The following NOTCH2 variants were observed in gnomAD, a reference collection of about 807,000 sequenced individuals.
The protein encoded by NOTCH2 is notch receptor 2.
Under a neutral mutation model 235.8 loss-of-function variants are expected in NOTCH2, and 29 were observed. The ratio of observed to expected loss-of-function variants is 0.12; its 90% CI spans 0.09 to 0.17. The LOEUF (loss-of-function observed/expected upper bound fraction) is 0.17, where lower values mean the gene tolerates loss of function less well. NOTCH2 is among the 10% of genes least tolerant of loss of function. The pLI, the probability that NOTCH2 is intolerant of heterozygous loss-of-function variation, is 1.00. For synonymous variants in NOTCH2, 1,086 were observed against 1,141.5 expected, an observed-to-expected ratio of 0.95 and a Z score of 0.98; for missense variants, 2,285 against 3,150.2, an observed-to-expected ratio of 0.73 and a Z score of 6.57.
chr1:120,012,271 G>A (rs587620219), intron 2 of NOTCH2, among the ~76,000 whole-genome samples: 4 of 141,106 alleles, frequency 2.8e-5, no homozygotes, highest in Admixed American at 2.1e-4. Flanking sequence ...CTATTTCAGA[G>A]TAAGTTCTTA....
intron 2 of NOTCH2, among the ~76,000 whole-genome samples, chr1:120,014,490 A>G (rs1156902379): frequency 6.7e-6 from 1 of 148,268 alleles, no homozygotes; most frequent in Non-Finnish European, 1.5e-5. Context: ...GGTTGGATGT[A>G]GAAAAGCAAA....
In NOTCH2 at chr1:119,916,393, C is replaced by T. The variant is rs1265351543; in HGVS notation, c.6329G>A (p.Ser2110Asn). 6.2e-7 allele frequency: 1 copy of T among 1,614,074 alleles called. No homozygotes were observed. Among genetic ancestry groups the T allele is most frequent in the Non-Finnish European group, 8.5e-7 (1 of 1,180,040 alleles). Residue 2110 changes from serine (S) to asparagine (N), a missense_variant, in exon 34 of 34, where the codon AGT (serine) becomes AAT (asparagine). This residue lies in a region of NOTCH2 where 504 missense variants were observed against 538.0 expected (regional missense o/e 0.94). Coordinates refer to ENST00000256646, the MANE Select transcript of NOTCH2 (RefSeq NM_024408.4). ...GTTAGGGAGGCTAGTAGGCATGGTA[C>T]TCTTGGCACTGGGCCGTCTAGACTT... ...GKKSRRPSAK[S>N]TMPTSLPNLA...
Position 119,937,887 on chromosome 1 carries a change from C to G in NOTCH2, c.3307G>C (p.Val1103Leu). Residue 1103 changes from valine (V) to leucine (L), a missense_variant, in exon 20 of 34, where the codon GTC becomes CTC. Physicochemically the swap from Val to Leu is conservative, Grantham distance 32. Coordinates refer to ENST00000256646, the MANE Select transcript of NOTCH2 (RefSeq NM_024408.4). ...CTGGAGGCTGCTATGTCACAAGAGA[C>G]ATTGGGCACGTCACAATAGGCACCA... ...WAGAYCDVPN[V>L]SCDIAASRRG... is the part of the protein sequence containing the mutation. The G allele has an allele frequency of 6.2e-7, 1 of 1,614,224 alleles. No homozygotes were observed. Among genetic ancestry groups the G allele is most frequent in the Non-Finnish European group, 8.5e-7 (1 of 1,180,038 alleles).
intron 5 of NOTCH2, among the ~76,000 whole-genome samples, chr1:119,984,208 A>C (rs1651924650): frequency 6.6e-6 from 1 of 152,206 alleles, no homozygotes; most frequent in Admixed American, 6.5e-5. Context: ...TCTCAGGATA[A>C]TGAAATTTTC....
At chr1:119,930,292 CT>C (rs1245268339) in intron 22 of NOTCH2, among the ~76,000 whole-genome samples, 1 of 151,684 alleles carries the variant, frequency 6.6e-6, no homozygotes, top group East Asian at 1.9e-4. Flanking sequence ...TGCACCAATG[CT>C]TTTTATTTAA....
rs927825758 is a variant in NOTCH2 at position 119,912,048 on chromosome 1, A to C, written c.*3258T>G. Reference sequence around the variant, plus strand: ...GCAGTATTGGAAAATAAAAAATACAACACCACTGAGCTTGGCAAACCTTTT... The same window carrying C: ...GCAGTATTGGAAAATAAAAAATACACCACCACTGAGCTTGGCAAACCTTTT... On this transcript the variant is annotated 3_prime_UTR_variant, in exon 34 of 34. Transcript: ENST00000256646. The C allele has an allele frequency of 2.1e-5, 5 of 233,582 alleles. No homozygotes were observed. Among genetic ancestry groups the C allele is most frequent in the South Asian group, 1.8e-4 (1 of 5,532 alleles). 14.5% of individuals were successfully genotyped at this position (233,582 alleles called of 1,614,324 possible).
rs1484892838 is a variant in NOTCH2 at position 119,913,632 on chromosome 1, T to C, written c.*1674A>G. 1 of 233,076 alleles carries C rather than the reference T, an allele frequency of 4.3e-6. No individual in the cohort carries two copies. The highest frequency in any genetic ancestry group is 2.2e-5 in the African/African-American group (1 of 45,312). The allele number at this position is 233,076 out of a possible 1,614,324, so 14.4% of individuals were successfully genotyped here. On this transcript the variant is annotated 3_prime_UTR_variant, in exon 34 of 34. Transcript: ENST00000256646. ...AAATGCTTCTGCCCTTAAAAGAAAG[T>C]CAAAGAAATTGCCAAGAGCATGAAT...
intron 2 of NOTCH2, among the ~76,000 whole-genome samples, chr1:120,011,758 T>A (rs1690022): frequency 5.3e-5 from 8 of 152,114 alleles, no homozygotes; most frequent in Non-Finnish European, 1.2e-4. Context: ...GGCTCACACC[T>A]GTAATCTCAG....
At chr1:119,928,881 G>T in intron 23 of NOTCH2, 95 bp downstream of exon 23, 1 of 1,027,746 alleles carries the variant, frequency 9.7e-7, no homozygotes, top group Non-Finnish European at 1.5e-6. Flanking sequence ...TATAAGAAAA[G>T]CTTCACTTGG....
At chr1:119,970,603 G>A (rs190286378) in intron 5 of NOTCH2, among the ~76,000 whole-genome samples, 1 of 152,216 alleles carries the variant, frequency 6.6e-6, no homozygotes, top group Non-Finnish European at 1.5e-5. Context: ...CTAGGTTGCA[G>A]GTCACCACTA....
chr1:119,984,009 A>G (rs1206935316), intron 5 of NOTCH2, among the ~76,000 whole-genome samples: 1 of 152,182 alleles, frequency 6.6e-6, no homozygotes, highest in African/African-American at 2.4e-5. Flanking sequence ...AAGCCAGACC[A>G]AATAGTTAAT....
intron 11 of NOTCH2, among the ~76,000 whole-genome samples, chr1:119,960,135 G>C (rs1240521428): frequency 6.6e-6 from 1 of 152,148 alleles, no homozygotes; most frequent in Non-Finnish European, 1.5e-5. Flanking sequence ...GGGTTAATCA[G>C]AATTGAGTAT....
intron 25 of NOTCH2, among the ~76,000 whole-genome samples, chr1:119,924,480 G>A (rs1166083676): frequency 1.3e-5 from 2 of 152,138 alleles, no homozygotes; most frequent in Non-Finnish European, 2.9e-5. Context: ...CCCAACTACA[G>A]AAGGTAAAGG....
At position 119,969,699 on chromosome 1, in the gene NOTCH2, T is replaced by C. The variant is rs782336182; in HGVS notation, c.920A>G (p.Asn307Ser). The C allele has an allele frequency of 1.9e-6, 3 of 1,614,134 alleles. No homozygotes were observed. Among genetic ancestry groups the C allele is most frequent in the Non-Finnish European group, 2.5e-6 (3 of 1,179,994 alleles). ...EDVDECLLQPNACQNGGTCAN... is the reference protein window; with the variant it reads ...EDVDECLLQPSACQNGGTCAN... ...ACAGGTGCCCCCATTTTGACAGGCA[T>C]TGGGCTGCAGCAGGCATTCATCCAC... The change falls in exon 6 of 34, where the codon AAT becomes AGT. Residue 307 changes from asparagine (N) to serine (S), a missense_variant. This residue lies in a region of NOTCH2 where 431 missense variants were observed against 757.8 expected (regional missense o/e 0.57). Coordinates refer to ENST00000256646, the MANE Select transcript of NOTCH2 (RefSeq NM_024408.4).
chr1:120,055,717 TAAA>T (rs1187349315), intron 1 of NOTCH2, among the ~76,000 whole-genome samples: 1 of 151,862 alleles, frequency 6.6e-6, no homozygotes, highest in Non-Finnish European at 1.5e-5. Context: ...CAAAACAAAA[TAAA>T]AACCTGACAA....
intron 5 of NOTCH2, among the ~76,000 whole-genome samples, chr1:119,981,091 G>A (rs1410472286): frequency 2.6e-5 from 4 of 152,060 alleles, no homozygotes; most frequent in African/African-American, 9.7e-5. Context: ...TGTATTCTGA[G>A]CTCCTGGGTC....
chr1:119,937,253 C>A, intron 21 of NOTCH2, 29 bp downstream of exon 21: 6 of 1,607,706 alleles, frequency 3.7e-6, no homozygotes, highest in Non-Finnish European at 5.1e-6. Context: ...CTGGGAGGTC[C>A]ATGACCTCTG....
intron 4 of NOTCH2, among the ~76,000 whole-genome samples, chr1:119,987,335 T>G (rs1347420985): frequency 6.6e-6 from 1 of 152,120 alleles, no homozygotes; most frequent in Non-Finnish European, 1.5e-5. Context: ...TTTCAAAATG[T>G]TTTCATGAAA....
intron 31 of NOTCH2, 113 bp from the exon 32 acceptor site, chr1:119,918,666 A>AGAGG: frequency 9.7e-7 from 1 of 1,032,742 alleles, no homozygotes; most frequent in Non-Finnish European, 1.5e-6. Flanking sequence ...TTCCTGGAGG[A>AGAGG]GAGGGAAAGT....
Sources: gnomAD v4.1 joint callset for allele counts (sites outside exome capture counted in the v4.1 genomes callset) on GRCh38, gnomAD v4.1.1 for gene constraint, gnomAD v4.1.1 regional missense constraint, MANE v1.5 for transcripts, NCBI Gene and HGNC (gene_info 2026-07-23, HGNC 2026-07-21) for gene names.